NPAS3: variants seen among roughly 807,000 people sequenced by gnomAD.
NPAS3 encodes the protein neuronal PAS domain-containing protein 3.
A neutral mutation model predicts 73.1 loss-of-function variants in NPAS3; 14 were observed. The ratio of observed to expected loss-of-function variants is 0.19; its 90% CI spans 0.13 to 0.30. The LOEUF (loss-of-function observed/expected upper bound fraction) is 0.30. Among genes scored for constraint, NPAS3 ranks in the 10% least tolerant of loss-of-function variants. The probability of loss-of-function intolerance (pLI) is 1.00; values close to 1 mark genes in which losing one functional copy is unlikely to be tolerated. For missense variants in NPAS3, 1,096 were observed against 1,250.0 expected, an observed-to-expected ratio of 0.88 and a Z score of 1.86; for synonymous variants, 620 against 541.5, an observed-to-expected ratio of 1.14 and a Z score of -2.01.
chr14:33,487,525 T>C lies in NPAS3; in HGVS notation c.469-72596T>C, dbSNP rs984159040. On this transcript the variant is annotated intron_variant, in intron 4 of 11. Transcript: ENST00000356141. ...TAGGCTAGAGGGAAATATTTAAATATCTTTGCTAGAGCAAATTATAGTCAT... is the reference window on the plus strand; with the variant it reads ...TAGGCTAGAGGGAAATATTTAAATACCTTTGCTAGAGCAAATTATAGTCAT... Among the ~76,000 whole-genome samples the C allele has an allele frequency of 5.9e-5, 9 of 152,220 alleles. No homozygotes were observed. In the East Asian group the frequency reaches 1.3e-3, roughly 23 times the overall value.
At chr14:33,028,114 G>A (rs1381087093) in intron 1 of NPAS3, among the ~76,000 whole-genome samples, 1 of 152,078 alleles carries the variant, frequency 6.6e-6, no homozygotes, top group African/African-American at 2.4e-5. Context: ...CCATCATGTA[G>A]GTTACACTCT....
intron 4 of NPAS3, among the ~76,000 whole-genome samples, chr14:33,470,839 G>A (rs530148109): frequency 1.1e-4 from 16 of 151,550 alleles, no homozygotes; most frequent in East Asian, 2.0e-4. Context: ...GACCATTTCA[G>A]AGATATTCTA....
At chr14:33,361,263 C>A (rs1022357256) in intron 3 of NPAS3, among the ~76,000 whole-genome samples, 4 of 152,152 alleles carry the variant, frequency 2.6e-5, no homozygotes, top group Non-Finnish European at 5.9e-5. Flanking sequence ...AAAACATTTT[C>A]GAGACTTACT....
At chr14:33,799,776 C>A in exon 12 of NPAS3, 1 of 1,603,462 alleles carries the variant, frequency 6.2e-7, no homozygotes, top group Non-Finnish European at 8.5e-7. Context: ...GGGAACCAGT[C>A]CGAGAACAGC....
Position 33,042,807 on chromosome 14 carries a change from C to A in NPAS3, c.51-13098C>A, listed in dbSNP as rs376560232. Reference sequence around the variant, plus strand: ...ACCAAGTTAAGAAAAGCCTTTTATTCACAGTGTTTATTTAGAGACAGTTAA... The same window carrying A: ...ACCAAGTTAAGAAAAGCCTTTTATTAACAGTGTTTATTTAGAGACAGTTAA... On this transcript the variant is annotated intron_variant, in intron 1 of 11. Transcript: ENST00000356141. 4.6e-5 allele frequency among the ~76,000 whole-genome samples: 7 copies of A among 152,228 alleles called. No homozygotes were observed. The East Asian group carries it at 7.7e-4, about 17-fold the overall frequency.
intron 1 of NPAS3, among the ~76,000 whole-genome samples, chr14:33,019,844 T>C (rs2039530606): frequency 6.6e-6 from 1 of 152,362 alleles, no homozygotes; most frequent in Admixed American, 6.5e-5. Context: ...TGAATAGATA[T>C]GGAGAATGCC....
intron 4 of NPAS3, among the ~76,000 whole-genome samples, chr14:33,473,239 A>G (rs78881109): frequency 0.026 from 3,928 of 152,244 alleles, 85 homozygotes; most frequent in Middle Eastern, 0.068. Flanking sequence ...ATCTTCACCT[A>G]ATAGGCATTT....
At chr14:33,554,035 A>T (rs947132054) in intron 4 of NPAS3, among the ~76,000 whole-genome samples, 5 of 152,060 alleles carry the variant, frequency 3.3e-5, no homozygotes, top group Non-Finnish European at 7.4e-5. Flanking sequence ...TTTCTTTCCA[A>T]CTCTTTTAAC....
At chr14:33,695,666 G>A (rs992885867) in intron 6 of NPAS3, among the ~76,000 whole-genome samples, 1 of 152,192 alleles carries the variant, frequency 6.6e-6, no homozygotes, top group Non-Finnish European at 1.5e-5. Context: ...GGTTTAAACA[G>A]TATCACCAAG....
intron 2 of NPAS3, among the ~76,000 whole-genome samples, chr14:33,091,227 A>G (rs1321006875): frequency 6.6e-6 from 1 of 152,182 alleles, no homozygotes. Flanking sequence ...GATCAACAAA[A>G]TTGATAGACT....
intron 3 of NPAS3, among the ~76,000 whole-genome samples, chr14:33,308,527 T>TATATATATATACACAC: frequency 0.016 from 1,653 of 103,558 alleles, 39 homozygotes; most frequent in Non-Finnish European, 0.023. Context: ...TATATATATA[T>TATATATATATACACAC]ACATACACAC....
upstream of NPAS3, among the ~76,000 whole-genome samples, chr14:32,938,523 G>GAGAGAGAGAGAGAGAGAGA (rs1343015828): frequency 1.7e-5 from 2 of 116,296 alleles, no homozygotes; most frequent in African/African-American, 7.4e-5. Flanking sequence ...GAGAGAGAGA[G>GAGAGAGAGAGAGAGAGAGA]AAGGGGGGGG....
At chr14:33,224,030 G>A (rs1372539098) in intron 3 of NPAS3, among the ~76,000 whole-genome samples, 1 of 152,046 alleles carries the variant, frequency 6.6e-6, no homozygotes, top group Non-Finnish European at 1.5e-5. Context: ...GAAAACTTTA[G>A]GGAACACACT....
intron 2 of NPAS3, among the ~76,000 whole-genome samples, chr14:33,088,777 G>A (rs1253387798): frequency 6.6e-6 from 1 of 152,188 alleles, no homozygotes; most frequent in Non-Finnish European, 1.5e-5. Flanking sequence ...GAACCCCCCA[G>A]TAGGGGCACA....
At chr14:33,619,687 T>G (rs1222911345) in intron 5 of NPAS3, among the ~76,000 whole-genome samples, 1 of 152,238 alleles carries the variant, frequency 6.6e-6, no homozygotes, top group African/African-American at 2.4e-5. Flanking sequence ...GGGATGTTAT[T>G]TTAAATCCAC....
At chr14:33,365,771 A>G (rs2045814012) in intron 3 of NPAS3, among the ~76,000 whole-genome samples, 1 of 152,210 alleles carries the variant, frequency 6.6e-6, no homozygotes, top group Non-Finnish European at 1.5e-5. Context: ...TAAACTCCCT[A>G]CTTTGCATAG....
chr14:33,035,813 G>A (rs1474667699), intron 1 of NPAS3, among the ~76,000 whole-genome samples: 1 of 152,092 alleles, frequency 6.6e-6, no homozygotes, highest in Non-Finnish European at 1.5e-5. Context: ...TACACTCTGG[G>A]CTTTGGGTAC....
chr14:33,730,001 T>C (rs1319440292), intron 6 of NPAS3, among the ~76,000 whole-genome samples: 1 of 152,192 alleles, frequency 6.6e-6, no homozygotes, highest in Non-Finnish European at 1.5e-5. Flanking sequence ...ATTCACTATT[T>C]AGTGAATGTT....
intron 2 of NPAS3, among the ~76,000 whole-genome samples, chr14:33,201,300 G>GGTGTGTGTGTGTGTGTGTGTGTGTGTGT (rs34700439): frequency 3.2e-4 from 49 of 151,038 alleles, no homozygotes; most frequent in Middle Eastern, 3.4e-3. Context: ...CCCTAACAAT[G>GGTGTGTGTGTGTGTGTGTGTGTGTGTGT]GTGTGTGTGT....
Sources: gnomAD v4.1 joint callset for allele counts (sites outside exome capture counted in the v4.1 genomes callset) on GRCh38, gnomAD v4.1.1 for gene constraint, MANE v1.5 for transcripts, NCBI Gene and HGNC (gene_info 2026-07-23, HGNC 2026-07-21) for gene names.